Variants in UBE3C observed in about 807,000 individuals in gnomAD.
UBE3C encodes ubiquitin protein ligase E3C, also known as ubiquitin-protein ligase E3C.
UBE3C carries 42 observed loss-of-function variants against 129.4 expected under a neutral mutation model. The observed-to-expected ratio is 0.32, with a 90% CI of 0.25 to 0.42. The LOEUF is 0.42. UBE3C is among the 10% of genes least tolerant of loss of function. UBE3C has a pLI of 1.00. For missense variants in UBE3C, 1,049 were observed against 1,319.1 expected, an observed-to-expected ratio of 0.80 and a Z score of 3.17; for synonymous variants, 510 against 492.4, an observed-to-expected ratio of 1.04 and a Z score of -0.47.
chr7:157,177,726 C>T (rs1484657629), intron 5 of UBE3C, among the ~76,000 whole-genome samples: 1 of 152,214 alleles, frequency 6.6e-6, no homozygotes, highest in Admixed American at 6.5e-5. Flanking sequence ...CCTGTCTCTC[C>T]TGGGCTTTGC....
At chr7:157,213,871 A>T (rs560455688) in intron 13 of UBE3C, among the ~76,000 whole-genome samples, 3 of 152,328 alleles carry the variant, frequency 2.0e-5, no homozygotes, top group African/African-American at 4.8e-5. Context: ...CAATTACTTT[A>T]AAAAATGTAG....
chr7:157,260,951 G>A (rs769545173), intron 22 of UBE3C, among the ~76,000 whole-genome samples: 16 of 152,160 alleles, frequency 1.1e-4, no homozygotes, highest in African/African-American at 2.7e-4. Context: ...CTTGTGCTGC[G>A]TGAGCGTCGT....
intron 2 of UBE3C, 44 bp from the exon 3 acceptor site, chr7:157,169,004 G>A (rs1808293969): frequency 1.3e-6 from 2 of 1,506,768 alleles, no homozygotes; most frequent in South Asian, 1.1e-5. Context: ...CATTTTCACT[G>A]GATTCTGACC....
chr7:157,237,380 G>A (rs1266782929), intron 18 of UBE3C, among the ~76,000 whole-genome samples: 8 of 152,204 alleles, frequency 5.3e-5, no homozygotes, highest in African/African-American at 1.9e-4. Context: ...GGCGGAGCTT[G>A]CAGTGAGCCG....
chr7:157,250,011 G>A (rs1796581826), intron 19 of UBE3C, among the ~76,000 whole-genome samples: 2 of 152,112 alleles, frequency 1.3e-5, no homozygotes, highest in Admixed American at 6.5e-5. Context: ...CAAAATTTGG[G>A]GGGAAAAAAT....
In UBE3C at chr7:157,163,821, T is replaced by G; in HGVS notation, c.78T>G (p.Ala26=). The change falls in exon 2 of 23, where the codon GCT becomes GCG. Residue 26 remains alanine (A), a synonymous_variant. Coordinates refer to ENST00000348165, the MANE Select transcript of UBE3C (RefSeq NM_014671.3). Reference sequence around the variant, plus strand: ...CTGTTTGGGTGTAGGAGGAAAAGGCTTCTCTTTTACATCGTACTCAGGAAG... The same window carrying G: ...CTGTTTGGGTGTAGGAGGAAAAGGCGTCTCTTTTACATCGTACTCAGGAAG... ...LGGASRKEEK[A]SLLHRTQEER... is the part of the protein sequence containing the mutation. The G allele has an allele frequency of 2.5e-6, 4 of 1,613,630 alleles. No homozygotes were observed. The highest frequency in any genetic ancestry group is 3.4e-6 in the Non-Finnish European group (4 of 1,179,750).
At chr7:157,166,889 C>G (rs1381260515) in intron 2 of UBE3C, among the ~76,000 whole-genome samples, 1 of 150,614 alleles carries the variant, frequency 6.6e-6, no homozygotes, top group Non-Finnish European at 1.5e-5. Flanking sequence ...CCATGTGCAT[C>G]TGGTGAAAGT....
chr7:157,199,440 T>A (rs1809217974), intron 10 of UBE3C, among the ~76,000 whole-genome samples: 1 of 151,992 alleles, frequency 6.6e-6, no homozygotes, highest in Non-Finnish European at 1.5e-5. Flanking sequence ...GTATAGTCTT[T>A]TTCAGAGTGA....
At chr7:157,185,264 G>A (rs1026892374) in intron 9 of UBE3C, among the ~76,000 whole-genome samples, 29 of 152,320 alleles carry the variant, frequency 1.9e-4, no homozygotes, top group African/African-American at 7.0e-4. Flanking sequence ...CCCGTGAACC[G>A]GGAAATCACC....
In UBE3C at chr7:157,223,297, G is replaced by A. The variant is rs1171668867; in HGVS notation, c.2046G>A (p.Gln682=). 1 of 1,614,158 alleles carries A rather than the reference G, an allele frequency of 6.2e-7. No homozygotes were observed. Among genetic ancestry groups the A allele is most frequent in the Non-Finnish European group, 8.5e-7 (1 of 1,180,004 alleles). ...SPPLSVSEER[Q]LAVLTELPFV... Reference sequence around the variant, plus strand: ...CGCTGTCTGTGTCTGAGGAAAGACAGCTTGCTGTCCTGACAGAGTTGCCTT... The same window carrying A: ...CGCTGTCTGTGTCTGAGGAAAGACAACTTGCTGTCCTGACAGAGTTGCCTT... The change falls in exon 16 of 23, where the codon CAG becomes CAA. Residue 682 remains glutamine, a synonymous_variant. Transcript: ENST00000348165.
intron 5 of UBE3C, 115 bp from the exon 6 acceptor site, chr7:157,178,575 A>C: frequency 1.4e-5 from 14 of 1,034,668 alleles, no homozygotes; most frequent in South Asian, 1.7e-5. Context: ...CCCTATTTTC[A>C]GAGATAATCT....
At chr7:157,139,730 T>G (rs750285454) in intron 1 of UBE3C, among the ~76,000 whole-genome samples, 5 of 152,240 alleles carry the variant, frequency 3.3e-5, no homozygotes, top group Admixed American at 6.5e-5. Context: ...AAGGTGAACT[T>G]ACCCTTTCTG....
chr7:157,140,140 CTG>C (rs1172475469), intron 1 of UBE3C: 1 of 533,774 alleles, frequency 1.9e-6, no homozygotes, highest in Non-Finnish European at 2.4e-6. Flanking sequence ...TCGTTGAACA[CTG>C]TGTGGTCTTG....
At chr7:157,237,539 C>T (rs1796184416) in intron 18 of UBE3C, among the ~76,000 whole-genome samples, 1 of 152,154 alleles carries the variant, frequency 6.6e-6, no homozygotes, top group East Asian at 1.9e-4. Context: ...TGAGTTATTC[C>T]TTCCTTTTTA....
At chr7:157,223,198 T>C (rs113472110) in intron 15 of UBE3C, 56 bp from the exon 16 acceptor site, 2 of 1,534,094 alleles carry the variant, frequency 1.3e-6, no homozygotes, top group East Asian at 4.5e-5. Flanking sequence ...GAATTGTCAG[T>C]GGGAATGCAG....
intron 13 of UBE3C, among the ~76,000 whole-genome samples, chr7:157,213,569 G>A (rs1488211383): frequency 6.6e-6 from 1 of 152,212 alleles, no homozygotes. Flanking sequence ...CTAGATACTT[G>A]TAGAGCAGTT....
chr7:157,254,097 C>T lies in UBE3C; in HGVS notation c.2838C>T (p.Val946=), dbSNP rs146377009. 901 of 1,612,986 alleles carry T rather than the reference C, an allele frequency of 5.6e-4. 2 individuals carry two copies. The highest frequency in any genetic ancestry group is 8.2e-4 in the Admixed American group (49 of 59,790). The change falls in exon 20 of 23, where the codon GTC becomes GTT. Residue 946 remains valine (V), a synonymous_variant. Transcript: ENST00000348165. ...CTTTCCGCCAGGGCCTTGCCAATGT[C>T]GTCAGCCTCGAGTGGCTCCGAATGT... is the stretch of plus-strand genomic sequence containing the variant. ...CLAFRQGLAN[V]VSLEWLRMFD...
At chr7:157,179,909 TA>T (rs1389404660) in intron 6 of UBE3C, among the ~76,000 whole-genome samples, 1 of 152,220 alleles carries the variant, frequency 6.6e-6, no homozygotes. Flanking sequence ...TAATTAAAAG[TA>T]AACTGAAAGT....
At chr7:157,248,685 A>C in intron 19 of UBE3C, 105 bp downstream of exon 19, 1 of 1,241,574 alleles carries the variant, frequency 8.1e-7, no homozygotes, top group Non-Finnish European at 1.2e-6. Flanking sequence ...CGCACATTTT[A>C]GTTAGAATGA....
Sources: gnomAD v4.1 joint callset for allele counts (sites outside exome capture counted in the v4.1 genomes callset) on GRCh38, gnomAD v4.1.1 for gene constraint, MANE v1.5 for transcripts, NCBI Gene and HGNC (gene_info 2026-07-23, HGNC 2026-07-21) for gene names.